Variants in FARP1 observed in about 807,000 individuals in gnomAD.
The protein encoded by FARP1 is FERM, ARH/RhoGEF and pleckstrin domain protein 1, also known as FERM, ARHGEF and pleckstrin domain-containing protein 1.
A neutral mutation model predicts 128.8 loss-of-function variants in FARP1; 52 were observed. The observed-to-expected ratio is 0.40, with a 90% CI of 0.32 to 0.51. FARP1 has a LOEUF of 0.51. FARP1 is among the 20% of genes least tolerant of loss of function. The pLI is 0.45. For missense variants in FARP1, 1,333 were observed against 1,367.9 expected (o/e 0.97, Z 0.40); for synonymous variants, 580 against 551.8 (o/e 1.05, Z -0.72).
intron 1 of FARP1, among the ~76,000 whole-genome samples, chr13:98,172,069 T>A (rs35617316): frequency 0.25 from 38,639 of 152,030 alleles, 5,936 homozygotes; most frequent in East Asian, 0.51. Flanking sequence ...AGAGAAGATG[T>A]CACCGATAAT....
chr13:98,431,876 G>A (rs1468935201), intron 18 of FARP1: 1 of 152,212 alleles, frequency 6.6e-6, no homozygotes, highest in African/African-American at 2.4e-5. Context: ...AAGATCCCTA[G>A]AGAAGCTCCG....
At chr13:98,196,912 A>G (rs1879598567) in intron 1 of FARP1, among the ~76,000 whole-genome samples, 1 of 152,216 alleles carries the variant, frequency 6.6e-6, no homozygotes, top group South Asian at 2.1e-4. Context: ...GTAATTAATC[A>G]TTAATTCTAG....
chr13:98,324,607 A>T (rs540841814), intron 2 of FARP1, among the ~76,000 whole-genome samples: 1 of 152,320 alleles, frequency 6.6e-6, no homozygotes, highest in African/African-American at 2.4e-5. Flanking sequence ...TTTTCAGAAA[A>T]AAAAGGCGAT....
intron 2 of FARP1, among the ~76,000 whole-genome samples, chr13:98,260,038 G>A (rs1883799484): frequency 1.3e-5 from 2 of 151,970 alleles, no homozygotes; most frequent in African/African-American, 4.8e-5. Flanking sequence ...CTGGGGCTCT[G>A]GACTATATTA....
chr13:98,244,932 A>G, intron 2 of FARP1: 2 of 1,363,242 alleles, frequency 1.5e-6, no homozygotes, highest in Non-Finnish European at 1.9e-6. Flanking sequence ...GATCTACTAG[A>G]TTTGGTGCCT....
In FARP1 at chr13:98,390,856, G is replaced by C; in HGVS notation, c.1064G>C (p.Gly355Ala). 1.2e-6 allele frequency: 2 copies of C among 1,613,580 alleles called. No individual in the cohort carries two copies. Among genetic ancestry groups the C allele is most frequent in the Non-Finnish European group, 1.7e-6 (2 of 1,179,584 alleles). Residue 355 changes from glycine (G) to alanine (A), a missense_variant, in exon 11 of 27, where the codon GGA (glycine) becomes GCA (alanine). Physicochemically the swap from Gly to Ala is moderately conservative, Grantham distance 60. Coordinates refer to ENST00000319562, the MANE Select transcript of FARP1 (RefSeq NM_005766.4). ...GTTCTCGACTATGTTAAAGAAGGAG[G>C]ACATAAGAAGGTGCAGTTTGAAAGG... is the stretch of plus-strand genomic sequence containing the variant. ...KQVLDYVKEG[G>A]HKKVQFERKH...
At chr13:98,387,841 A>T (rs1890157602) in intron 8 of FARP1, among the ~76,000 whole-genome samples, 1 of 152,222 alleles carries the variant, frequency 6.6e-6, no homozygotes, top group South Asian at 2.1e-4. Flanking sequence ...GTTGATTGCA[A>T]ACCTGCTGAA....
intron 2 of FARP1, among the ~76,000 whole-genome samples, chr13:98,267,763 G>T (rs1884197294): frequency 6.6e-6 from 1 of 152,182 alleles, no homozygotes; most frequent in Admixed American, 6.5e-5. Flanking sequence ...TGCAGGACGT[G>T]CTGGGTTCCT....
intron 2 of FARP1, among the ~76,000 whole-genome samples, chr13:98,256,981 A>G (rs1433424280): frequency 1.6e-4 from 22 of 139,240 alleles, no homozygotes; most frequent in Admixed American, 2.9e-4. Flanking sequence ...ATATATATAT[A>G]TATATATATA....
At chr13:98,314,274 C>CTTTTTTTTTTTTTTTTTTTTTTTT (rs140938723) in intron 2 of FARP1, among the ~76,000 whole-genome samples, 2 of 59,988 alleles carry the variant, frequency 3.3e-5, no homozygotes, top group African/African-American at 6.8e-5. Context: ...TATTTTATGT[C>CTTTTTTTTTTTTTTTTTTTTTTTT]TTTTTTTTTT....
intron 2 of FARP1, among the ~76,000 whole-genome samples, chr13:98,216,682 G>A (rs1177362001): frequency 2.6e-5 from 4 of 152,064 alleles, no homozygotes; most frequent in Admixed American, 6.5e-5. Flanking sequence ...TGGTGTCTCC[G>A]TCCTTCTTTG....
At chr13:98,261,982 C>G (rs542468265) in intron 2 of FARP1, among the ~76,000 whole-genome samples, 212 of 151,976 alleles carry the variant, frequency 1.4e-3, no homozygotes, top group Non-Finnish European at 2.2e-3. Context: ...GCTAGTTTTG[C>G]TTCCTATAGG....
intron 2 of FARP1, among the ~76,000 whole-genome samples, chr13:98,246,476 A>G (rs575128790): frequency 9.9e-5 from 15 of 151,978 alleles, no homozygotes; most frequent in Non-Finnish European, 1.9e-4. Context: ...AAAAAATTAG[A>G]GTCTATAGTT....
In FARP1 at chr13:98,148,097, A is replaced by C. The variant is rs555070601; in HGVS notation, c.-24+4605A>C. Among the ~76,000 whole-genome samples the C allele has an allele frequency of 3.5e-4, 52 of 147,850 alleles. No individual in the cohort carries two copies. The South Asian group carries it at 7.5e-3, about 21-fold the overall frequency. On this transcript the variant is annotated intron_variant, in intron 1 of 26. Coordinates refer to ENST00000319562, the MANE Select transcript of FARP1 (RefSeq NM_005766.4). Reference sequence around the variant, plus strand: ...GAGGTTCCTTTTCAAAAAAAAAGACAATAAGGTGCGGTGGCTCACGCCTGT... The same window carrying C: ...GAGGTTCCTTTTCAAAAAAAAAGACCATAAGGTGCGGTGGCTCACGCCTGT...
Position 98,446,830 on chromosome 13 carries a change from T to C in FARP1, c.3056+13T>C, listed in dbSNP as rs780761522. ...ACACGTTCGAAAGGTAGACACCCCC[T>C]TCCCACGCACAGGGCCCTGCAGAAG... On this transcript the variant is annotated intron_variant, in intron 26 of 26. Transcript: ENST00000319562. 23 of 1,613,548 alleles carry C rather than the reference T, an allele frequency of 1.4e-5. No individual in the cohort carries two copies. Among genetic ancestry groups the C allele is most frequent in the Non-Finnish European group, 1.9e-5 (22 of 1,179,708 alleles).
chr13:98,282,937 A>G lies in FARP1; in HGVS notation c.172-60825A>G, dbSNP rs572630574. On this transcript the variant is annotated intron_variant, in intron 2 of 26. Transcript: ENST00000319562. ...AAAAAAATAAAAAATTTTCTGGAAA[A>G]TTCTCTCCTGTCAAATGCTTTATTT... Among the ~76,000 whole-genome samples the G allele has an allele frequency of 5.3e-5, 8 of 152,282 alleles. No homozygotes were observed. The East Asian group carries it at 1.3e-3, about 26-fold the overall frequency.
rs147575916 is a variant in FARP1 at position 98,216,024 on chromosome 13, C to T, written c.171+2611C>T. Among the ~76,000 whole-genome samples, 349 of 152,248 alleles carry T rather than the reference C, an allele frequency of 2.3e-3. 4 individuals are homozygous for T. Among genetic ancestry groups the T allele is most frequent in the African/African-American group, 8.1e-3 (337 of 41,554 alleles). The stretch of plus-strand genomic sequence containing the variant: ...CAGGATGGTCTTGATCTCCTGACCT[C>T]GTGATCCGTCCGCCTTGGCCTCCCA... On this transcript the variant is annotated intron_variant, in intron 2 of 26. Coordinates refer to ENST00000319562, the MANE Select transcript of FARP1 (RefSeq NM_005766.4).
At chr13:98,199,165 C>A (rs942532443) in intron 1 of FARP1, among the ~76,000 whole-genome samples, 4 of 151,774 alleles carry the variant, frequency 2.6e-5, no homozygotes, top group Non-Finnish European at 5.9e-5. Context: ...ACTGGATGCA[C>A]AAACGTGAGT....
intron 13 of FARP1, chr13:98,401,828 T>A (rs1035971187): frequency 2.6e-5 from 4 of 152,234 alleles, no homozygotes; most frequent in Middle Eastern, 3.2e-3. Context: ...GCTTTAAACA[T>A]TGAATAGACT....
Sources: allele counts gnomAD v4.1 joint callset (sites outside exome capture counted in the v4.1 genomes callset), GRCh38; gene constraint gnomAD v4.1.1; transcripts MANE v1.5; gene names NCBI Gene and HGNC (gene_info 2026-07-23, HGNC 2026-07-21).